Variants in AQP7B observed in about 807,000 individuals in gnomAD.
AQP7B encodes the protein aquaporin 7B.
At chr2:94,592,308 G>C in the AQP7B span, among the ~76,000 whole-genome samples, 3 of 152,198 alleles carry the variant, frequency 2.0e-5, no homozygotes, top group Non-Finnish European at 4.4e-5. Context: ...GGGAATGAGA[G>C]ACGTCCAGGC....
the AQP7B span, chr2:94,594,627 G>A: frequency 3.0e-5 from 20 of 676,502 alleles, no homozygotes; most frequent in Non-Finnish European, 4.2e-5. Context: ...GGCAAGAGGA[G>A]GCGTGTGTGG....
chr2:94,597,528 G>T, the AQP7B span, among the ~76,000 whole-genome samples: 4 of 151,816 alleles, frequency 2.6e-5, no homozygotes, highest in Non-Finnish European at 5.9e-5. Context: ...GAAAACTGAG[G>T]CTCCTTGAGA....
chr2:94,597,171 G>T, the AQP7B span, among the ~76,000 whole-genome samples: 7 of 152,112 alleles, frequency 4.6e-5, no homozygotes, highest in Non-Finnish European at 8.8e-5. Context: ...CTCCCCACCT[G>T]CTTTGGCTCC....
At chr2:94,604,401 A>T in the AQP7B span, 3 of 1,611,454 alleles carry the variant, frequency 1.9e-6, no homozygotes, top group Non-Finnish European at 2.5e-6. Context: ...GAGCCCCTGA[A>T]ATTGGAGGAC....
the AQP7B span, among the ~76,000 whole-genome samples, chr2:94,599,573 T>A: frequency 6.6e-6 from 1 of 152,122 alleles, no homozygotes; most frequent in Non-Finnish European, 1.5e-5. Context: ...TGTATCCACA[T>A]ATCACCCCTT....
At chr2:94,592,046 T>G in the AQP7B span, among the ~76,000 whole-genome samples, 1 of 152,136 alleles carries the variant, frequency 6.6e-6, no homozygotes, top group Non-Finnish European at 1.5e-5. Context: ...GGCTGGTTGG[T>G]GGTTATCTGT....
chr2:94,600,370 G>A, the AQP7B span, among the ~76,000 whole-genome samples: 3 of 152,258 alleles, frequency 2.0e-5, no homozygotes, highest in South Asian at 2.1e-4. Flanking sequence ...AGCAACAGGT[G>A]AAATTAATTT....
the AQP7B span, among the ~76,000 whole-genome samples, chr2:94,602,101 C>A: frequency 1.3e-5 from 2 of 149,876 alleles, 1 homozygote; most frequent in East Asian, 4.0e-4. Flanking sequence ...TTTGGAGGTC[C>A]CTTGAAGAAA....
At chr2:94,593,528 C>A in the AQP7B span, among the ~76,000 whole-genome samples, 1 of 148,808 alleles carries the variant, frequency 6.7e-6, no homozygotes, top group African/African-American at 2.5e-5. Context: ...TCTTGTTGCC[C>A]AGGCTGGAGT....
At chr2:94,594,674 T>C in the AQP7B span, 1 of 1,061,808 alleles carries the variant, frequency 9.4e-7, no homozygotes, top group South Asian at 1.3e-5. Context: ...CAGCTGTGAG[T>C]TGAAGAGCCG....
chr2:94,603,098 G>A, the AQP7B span: 1 of 1,581,236 alleles, frequency 6.3e-7, no homozygotes, highest in South Asian at 1.1e-5. Context: ...TGCCCTGGAG[G>A]AAGTTTCCAG....
the AQP7B span, among the ~76,000 whole-genome samples, chr2:94,588,983 CTTTTTTT>C: frequency 6.6e-5 from 9 of 135,404 alleles, no homozygotes; most frequent in Non-Finnish European, 1.1e-4. Context: ...GTTTTTTTTT[CTTTTTTT>C]TTTTTTTTTT....
the AQP7B span, among the ~76,000 whole-genome samples, chr2:94,590,800 C>T: frequency 7.9e-5 from 12 of 151,552 alleles, no homozygotes; most frequent in East Asian, 3.9e-4. Flanking sequence ...AAAAAATAGC[C>T]GGTCATGGTG....
the AQP7B span, among the ~76,000 whole-genome samples, chr2:94,593,410 G>A: frequency 6.6e-6 from 1 of 151,780 alleles, no homozygotes; most frequent in African/African-American, 2.4e-5. Context: ...TCAGCTTCCG[G>A]GCATGCAGAC....
At chr2:94,597,379 T>A in the AQP7B span, among the ~76,000 whole-genome samples, 1 of 152,152 alleles carries the variant, frequency 6.6e-6, no homozygotes, top group South Asian at 2.1e-4. Context: ...GTGTTTCTCT[T>A]CCTTTTGTTG....
chr2:94,601,907 G>A, the AQP7B span, among the ~76,000 whole-genome samples: 7 of 152,090 alleles, frequency 4.6e-5, no homozygotes, highest in South Asian at 2.1e-4. Flanking sequence ...CTGAGGAGCC[G>A]TGAGGGATGG....
the AQP7B span, chr2:94,603,060 A>G: frequency 1.1e-4 from 176 of 1,597,126 alleles, 2 homozygotes; most frequent in East Asian, 1.0e-3. Context: ...TGCAGCTGTG[A>G]CCTTCACTAA....
the AQP7B span, among the ~76,000 whole-genome samples, chr2:94,591,981 A>T: frequency 6.6e-6 from 1 of 152,158 alleles, no homozygotes; most frequent in African/African-American, 2.4e-5. Flanking sequence ...AGTGTCCTTT[A>T]CTGCAGTGAC....
chr2:94,592,172 C>A, the AQP7B span, among the ~76,000 whole-genome samples: 1 of 152,102 alleles, frequency 6.6e-6, no homozygotes, highest in Admixed American at 6.5e-5. Flanking sequence ...CTGTGGTTAC[C>A]TCCAGCATGG....
Sources: gnomAD v4.1 joint callset for allele counts (sites outside exome capture counted in the v4.1 genomes callset) on GRCh38, gnomAD v4.1.1 for gene constraint, MANE v1.5 for transcripts, NCBI Gene and HGNC (gene_info 2026-07-23, HGNC 2026-07-21) for gene names.